Variants in EPSTI1 observed in about 807,000 individuals in gnomAD.
EPSTI1 encodes the protein epithelial-stromal interaction protein 1.
A neutral mutation model predicts 49.9 loss-of-function variants in EPSTI1; 66 were observed. That is an observed-to-expected ratio of 1.32 (90% CI 1.08 to 1.62). EPSTI1 has a LOEUF of 1.62. Among genes scored for constraint, EPSTI1 ranks in the 40% most tolerant of loss-of-function variants. EPSTI1 has a pLI of 0.00. For synonymous variants in EPSTI1, 137 were observed against 130.7 expected (o/e 1.05, Z -0.33); for missense variants, 394 against 365.5 (o/e 1.08, Z -0.64).
At chr13:42,971,536 C>T (rs534536702) in intron 1 of EPSTI1, among the ~76,000 whole-genome samples, 14 of 152,232 alleles carry the variant, frequency 9.2e-5, no homozygotes, top group African/African-American at 2.9e-4. Context: ...CAACAGACTG[C>T]AGCATACATG....
Position 42,894,991 on chromosome 13 carries a change from A to G in EPSTI1, c.915+18T>C, listed in dbSNP as rs181310217. On this transcript the variant is annotated intron_variant, in intron 10 of 10. Coordinates refer to ENST00000313624, the MANE Select transcript of EPSTI1 (RefSeq NM_033255.5). ...CTTCAACATTGAAAGATGATTTAAG[A>G]GAAAAGAAAAAACTCACCCAGCTGT... 1.0e-3 allele frequency: 1,605 copies of G among 1,582,380 alleles called. 24 individuals are homozygous for G. The highest frequency in any genetic ancestry group is 9.6e-5 in the Non-Finnish European group (111 of 1,158,556).
chr13:42,949,095 G>A (rs2039013807), intron 6 of EPSTI1, among the ~76,000 whole-genome samples: 1 of 152,116 alleles, frequency 6.6e-6, no homozygotes, highest in Admixed American at 6.5e-5. Flanking sequence ...CTCCAGTACA[G>A]CATCACACGA....
chr13:42,973,806 G>T (rs995868925), intron 1 of EPSTI1, among the ~76,000 whole-genome samples: 3 of 151,942 alleles, frequency 2.0e-5, no homozygotes, highest in African/African-American at 7.3e-5. Context: ...CCAACATTTC[G>T]CATTCTTGTC....
Position 42,953,996 on chromosome 13 carries a change from CT to C in EPSTI1, c.514del (p.Arg172AspfsTer23). On this transcript the variant is annotated frameshift_variant, in exon 6 of 11. Coordinates refer to ENST00000313624, the MANE Select transcript of EPSTI1 (RefSeq NM_033255.5). LOFTEE classifies it high-confidence loss of function. ...TTCTCTTCTAAGGTTTTCTTGAAGT[CT>C]TTTTTTCTCCTCCAGTTTATTGCTC... ...EKSNKLEEKK[R>X]LQENLRREAF... 3 of 1,612,528 alleles carry C rather than the reference CT, an allele frequency of 1.9e-6. No homozygotes were observed. The highest frequency in any genetic ancestry group is 8.5e-7 in the Non-Finnish European group (1 of 1,179,720).
chr13:42,923,831 G>A (rs1770391674), intron 7 of EPSTI1, among the ~76,000 whole-genome samples: 1 of 152,174 alleles, frequency 6.6e-6, no homozygotes, highest in Non-Finnish European at 1.5e-5. Flanking sequence ...TAATTTTCTA[G>A]TATTTATTAA....
At chr13:42,924,755 A>G (rs1169358440) in intron 7 of EPSTI1, among the ~76,000 whole-genome samples, 1 of 152,202 alleles carries the variant, frequency 6.6e-6, no homozygotes, top group Non-Finnish European at 1.5e-5. Flanking sequence ...ACACTGATGA[A>G]TTTAGACTTT....
chr13:42,893,631 G>C (rs2037102752), intron 10 of EPSTI1, among the ~76,000 whole-genome samples: 1 of 152,144 alleles, frequency 6.6e-6, no homozygotes, highest in African/African-American at 2.4e-5. Flanking sequence ...GAGCCAGATT[G>C]CCACATCCTC....
Position 42,900,314 on chromosome 13 carries a change from T to C in EPSTI1, c.811A>G (p.Arg271Gly), listed in dbSNP as rs773049270. ...TATTTTATTAGCCAGTTTTACCTCC[T>C]GTGTTCAGTCTGGTGGATTTTGGCT... is the stretch of plus-strand genomic sequence containing the variant. ...ERAKIHQTEH[R>G]RVNNAFLDRL... The change falls in exon 9 of 11, where the codon AGG becomes GGG. Residue 271 changes from arginine to glycine, a missense_variant. Arg to Gly is a moderately radical substitution (Grantham distance 125). Coordinates refer to ENST00000313624, the MANE Select transcript of EPSTI1 (RefSeq NM_033255.5). The C allele has an allele frequency of 2.5e-6, 4 of 1,613,600 alleles. No homozygotes were observed. The East Asian group carries it at 8.9e-5, about 36-fold the overall frequency.
chr13:42,976,933 T>C (rs1451718842), intron 1 of EPSTI1, among the ~76,000 whole-genome samples: 2 of 152,246 alleles, frequency 1.3e-5, no homozygotes, highest in Non-Finnish European at 2.9e-5. Flanking sequence ...CTTTCATTTA[T>C]AAGTGGTTTT....
rs1490870298 is a variant in EPSTI1 at position 42,887,257 on chromosome 13, T to G, written c.*1237A>C. On this transcript the variant is annotated 3_prime_UTR_variant, in exon 11 of 11. Transcript: ENST00000313624. Reference sequence around the variant, plus strand: ...CCACATTATTTACTCCAGAGAAACTTCCTGACACCATCTGTTCTCTGTTAC... The same window carrying G: ...CCACATTATTTACTCCAGAGAAACTGCCTGACACCATCTGTTCTCTGTTAC... 1 of 152,210 alleles carries G rather than the reference T, an allele frequency of 6.6e-6. No individual in the cohort carries two copies. Among genetic ancestry groups the G allele is most frequent in the Non-Finnish European group, 1.5e-5 (1 of 68,054 alleles). The allele number at this position is 152,210 out of a possible 1,614,324, so 9.4% of individuals were successfully genotyped here.
rs1374356480 is a variant in EPSTI1, at chr13:42,916,232, T to G, written c.741+1309A>C. On this transcript the variant is annotated intron_variant, in intron 8 of 10. Coordinates refer to ENST00000313624, the MANE Select transcript of EPSTI1 (RefSeq NM_033255.5). ...TAACATTGCCTATTTGATTGTAGAT[T>G]TCAAGATTAGGATCTTGCCAAGACA... 2.0e-5 allele frequency among the ~76,000 whole-genome samples: 3 copies of G among 151,492 alleles called. No homozygotes were observed. The East Asian group carries it at 5.8e-4, about 29-fold the overall frequency.
rs560947036 is a variant in EPSTI1, at chr13:42,914,137, A to G, written c.741+3404T>C. ...TCAGATAGTTATTTATAGTAATGAG[A>G]TAACTGACTAATACAATTAGTTACT... On this transcript the variant is annotated intron_variant, in intron 8 of 10. Coordinates refer to ENST00000313624, the MANE Select transcript of EPSTI1 (RefSeq NM_033255.5). Among the ~76,000 whole-genome samples, 19 of 152,320 alleles carry G rather than the reference A, an allele frequency of 1.2e-4. No individual in the cohort carries two copies. In the South Asian group the frequency reaches 3.1e-3, roughly 25 times the overall value.
At chr13:42,926,269 T>A (rs533655665) in intron 7 of EPSTI1, 67 bp downstream of exon 7, 1 of 913,388 alleles carries the variant, frequency 1.1e-6, no homozygotes, top group South Asian at 1.3e-5. Flanking sequence ...TCTATATCCC[T>A]CATCTTCAGT....
chr13:42,922,263 A>G lies in EPSTI1; in HGVS notation c.657+4073T>C, dbSNP rs1184418774. Among the ~76,000 whole-genome samples the G allele has an allele frequency of 6.6e-6, 1 of 152,222 alleles. No individual in the cohort carries two copies. Among genetic ancestry groups the G allele is most frequent in the East Asian group, 1.9e-4 (1 of 5,202 alleles). On this transcript the variant is annotated intron_variant, in intron 7 of 10. Coordinates refer to ENST00000313624, the MANE Select transcript of EPSTI1 (RefSeq NM_033255.5). This position sits in a 1 kb window ranked among gnomAD's most constrained non-coding sequence, Gnocchi z 4.8. ...CATAATGGCCCCCCAAAGACGTCCC[A>G]ATCCCTGGAATCTGTGAATGTTTCT... is the stretch of plus-strand genomic sequence containing the variant.
intron 7 of EPSTI1, chr13:42,919,209 G>A (rs957518116): frequency 8.7e-7 from 1 of 1,146,574 alleles, no homozygotes; most frequent in Non-Finnish European, 1.3e-6. Context: ...ATTAAATAAG[G>A]TGCCTTATAA....
chr13:42,939,195 G>C (rs530721657), intron 6 of EPSTI1, among the ~76,000 whole-genome samples: 1 of 152,084 alleles, frequency 6.6e-6, no homozygotes, highest in Non-Finnish European at 1.5e-5. Context: ...TGTTTTGGCT[G>C]GTCTGATCTT....
intron 1 of EPSTI1, among the ~76,000 whole-genome samples, chr13:42,989,262 C>T (rs1346925769): frequency 6.6e-6 from 1 of 151,962 alleles, no homozygotes; most frequent in Non-Finnish European, 1.5e-5. Flanking sequence ...TTATGTTTTA[C>T]ACATATACAC....
At chr13:42,958,120 C>A (rs917595550) in intron 5 of EPSTI1, among the ~76,000 whole-genome samples, 5 of 152,114 alleles carry the variant, frequency 3.3e-5, no homozygotes, top group African/African-American at 1.2e-4. Context: ...AGATTAGAAC[C>A]AGAGAAGCAT....
chr13:42,954,007 C>T lies in EPSTI1; in HGVS notation c.504G>A (p.Glu168=), dbSNP rs765945262. 2 of 1,611,586 alleles carry T rather than the reference C, an allele frequency of 1.2e-6. No homozygotes were observed. The highest frequency in any genetic ancestry group is 2.2e-5 in the East Asian group (1 of 44,872). The change falls in exon 6 of 11, where the codon GAG becomes GAA. Residue 168 remains glutamate, a synonymous_variant. Coordinates refer to ENST00000313624, the MANE Select transcript of EPSTI1 (RefSeq NM_033255.5). ...GGTTTTCTTGAAGTCTTTTTTTCTC[C>T]TCCAGTTTATTGCTCTGAAATTGCA... ...AIQREKSNKL[E]EKKRLQENLR...
Sources: gnomAD v4.1 joint callset for allele counts (sites outside exome capture counted in the v4.1 genomes callset) on GRCh38, gnomAD v4.1.1 for gene constraint, Gnocchi (gnomAD v3.1) non-coding constraint, MANE v1.5 for transcripts, NCBI Gene and HGNC (gene_info 2026-07-23, HGNC 2026-07-21) for gene names.